The following C5 variants were observed in gnomAD, a reference collection of about 807,000 sequenced individuals.
C5 encodes the protein complement C5.
A neutral mutation model predicts 218.8 loss-of-function variants in C5; 140 were observed. That is an observed-to-expected ratio of 0.64 (90% CI 0.56 to 0.74). The LOEUF (loss-of-function observed/expected upper bound fraction) is 0.74, where lower values mean the gene tolerates loss of function less well. Among genes scored for constraint, C5 ranks in the 30% least tolerant of loss-of-function variants. The pLI, the probability that C5 is intolerant of heterozygous loss-of-function variation, is 0.00. For missense variants in C5, 1,700 were observed against 1,969.6 expected, an observed-to-expected ratio of 0.86 and a Z score of 2.59; for synonymous variants, 614 against 682.3, an observed-to-expected ratio of 0.90 and a Z score of 1.56.
intron 33 of C5, among the ~76,000 whole-genome samples, chr9:120,966,948 T>C (rs1354010706): frequency 6.6e-6 from 1 of 152,036 alleles, no homozygotes; most frequent in African/African-American, 2.4e-5. Context: ...TTAGTGGTCT[T>C]AGATTACACT....
intron 40 of C5, 99 bp from the exon 41 acceptor site, chr9:120,952,967 A>C: frequency 3.1e-6 from 4 of 1,310,736 alleles, no homozygotes; most frequent in Non-Finnish European, 3.2e-6. Flanking sequence ...TCAGTCGCCC[A>C]TGCTGGAGTG....
intron 20 of C5, among the ~76,000 whole-genome samples, chr9:121,004,983 T>TC (rs1554722220): frequency 6.7e-5 from 10 of 150,038 alleles, no homozygotes; most frequent in African/African-American, 2.2e-4. Context: ...GACTCCGTCT[T>TC]AAAAAAAAAA....
At chr9:120,984,714 C>CTTTTTTTTT (rs149222003) in intron 25 of C5, among the ~76,000 whole-genome samples, 1 of 69,212 alleles carries the variant, frequency 1.4e-5, no homozygotes. Context: ...TAAGCTCTTA[C>CTTTTTTTTT]TTTTTTTTTT....
At chr9:121,057,742 C>T in the C5 span, among the ~76,000 whole-genome samples, 2 of 151,832 alleles carry the variant, frequency 1.3e-5, no homozygotes, top group Admixed American at 6.6e-5. Context: ...AAGCAGAAAA[C>T]GAGTAACAAA....
chr9:120,982,515 T>C, intron 26 of C5, 140 bp downstream of exon 26: 1 of 669,412 alleles, frequency 1.5e-6, no homozygotes, highest in South Asian at 1.8e-5. Flanking sequence ...GAAAGACCTT[T>C]GTATATTTTG....
chr9:120,955,705 A>T (rs148097647), intron 39 of C5, among the ~76,000 whole-genome samples: 12 of 152,144 alleles, frequency 7.9e-5, no homozygotes, highest in East Asian at 1.9e-4. Flanking sequence ...ACAAAAATTT[A>T]AAAAAAATTA....
chr9:120,963,596 A>C (rs1201293219), intron 34 of C5, 40 bp downstream of exon 34: 2 of 1,324,028 alleles, frequency 1.5e-6, no homozygotes, highest in African/African-American at 2.9e-5. Context: ...CAGAAAAGAA[A>C]ATGAAGCATT....
chr9:120,959,765 CT>C (rs1372058574), intron 38 of C5, among the ~76,000 whole-genome samples: 3 of 152,138 alleles, frequency 2.0e-5, no homozygotes. Flanking sequence ...CTGAGATTTG[CT>C]TTTTCAAATG....
chr9:121,008,225 C>T (rs777154175), intron 18 of C5, among the ~76,000 whole-genome samples, 183 bp downstream of exon 18: 7 of 151,750 alleles, frequency 4.6e-5, no homozygotes, highest in South Asian at 2.1e-4. Context: ...ATCACCAGTA[C>T]GATGTATATT....
At chr9:121,035,623 G>A (rs1329254279) in intron 4 of C5, among the ~76,000 whole-genome samples, 1 of 152,064 alleles carries the variant, frequency 6.6e-6, no homozygotes, top group Non-Finnish European at 1.5e-5. Context: ...AGGCTGGAGT[G>A]CAGTGGTGTG....
chr9:121,004,764 C>T (rs140357192), intron 20 of C5, among the ~76,000 whole-genome samples: 2 of 151,900 alleles, frequency 1.3e-5, no homozygotes, highest in African/African-American at 4.8e-5. Flanking sequence ...TAGAACAAGA[C>T]CCCATCTTGA....
chr9:120,972,757 C>T (rs908084269), intron 30 of C5, among the ~76,000 whole-genome samples: 1 of 152,198 alleles, frequency 6.6e-6, no homozygotes, highest in Non-Finnish European at 1.5e-5. Flanking sequence ...CCAAGCCTCC[C>T]CTTTCCTTTG....
chr9:121,072,871 A>G, the C5 span, among the ~76,000 whole-genome samples: 34 of 151,862 alleles, frequency 2.2e-4, no homozygotes, highest in African/African-American at 8.2e-4. Context: ...TCTTAAGTGG[A>G]GCTTTTCAAA....
intron 22 of C5, among the ~76,000 whole-genome samples, chr9:120,995,733 AATT>A (rs1295260785): frequency 1.3e-5 from 2 of 151,886 alleles, no homozygotes; most frequent in African/African-American, 4.8e-5. Context: ...AAATTAATGG[AATT>A]ATTATTGTTG....
Position 121,037,933 on chromosome 9 carries a change from G to T in C5, c.440C>A (p.Ser147Ter). Residue 147 changes from serine (S) to a stop codon, truncating the protein, a stop_gained, in exon 4 of 41, where the codon TCG (serine) becomes TAG (stop). Coordinates refer to ENST00000223642, the MANE Select transcript of C5 (RefSeq NM_001735.3). LOFTEE classifies it high-confidence loss of function. Reference protein sequence around the residue: ...PDQSVKVRVYSLNDDLKPAKR... With the variant: ...PDQSVKVRVY ...GGCTGGCTTCAAGTCGTCATTCAAC[G>T]AATAAACTCTAACTTTTACTGTAAG... 1 of 1,514,668 alleles carries T rather than the reference G, an allele frequency of 6.6e-7. No individual in the cohort carries two copies. The highest frequency in any genetic ancestry group is 9.1e-7 in the Non-Finnish European group (1 of 1,102,754). 93.8% of individuals were successfully genotyped at this position (1,514,668 alleles called of 1,614,324 possible).
intron 39 of C5, chr9:120,956,908 C>T (rs954308749): frequency 3.6e-6 from 1 of 280,808 alleles, no homozygotes; most frequent in African/African-American, 2.2e-5. Context: ...TGAAAAATTA[C>T]CTATTGGGTA....
In C5 at chr9:120,981,216, CATTG is replaced by C. The variant is rs1166110771; in HGVS notation, c.3486+624_3486+627del. 6.6e-5 allele frequency among the ~76,000 whole-genome samples: 10 copies of C among 152,196 alleles called. No individual in the cohort carries two copies. The East Asian group carries it at 1.9e-3, about 29-fold the overall frequency. On this transcript the variant is annotated intron_variant, in intron 27 of 40. Transcript: ENST00000223642. ...CACTAGGTGCCTGGGAACTAGTCTTCATTGATTATTTTGTCTTGTTAAGCTTCTG... is the reference window on the plus strand; with the variant it reads ...CACTAGGTGCCTGGGAACTAGTCTTCATTATTTTGTCTTGTTAAGCTTCTG...
chr9:121,009,954 C>T (rs1469956506), intron 17 of C5, among the ~76,000 whole-genome samples: 2 of 152,206 alleles, frequency 1.3e-5, no homozygotes, highest in African/African-American at 4.8e-5. Flanking sequence ...ATGGAGGGAG[C>T]ATTTGGACTG....
At chr9:121,002,270 A>ATATG (rs1564146579) in intron 20 of C5, among the ~76,000 whole-genome samples, 3 of 123,308 alleles carry the variant, frequency 2.4e-5, no homozygotes, top group Non-Finnish European at 1.7e-5. Context: ...ATGTATATAT[A>ATATG]TGTATATATA....
Sources: gnomAD v4.1 joint callset for allele counts (sites outside exome capture counted in the v4.1 genomes callset) on GRCh38, gnomAD v4.1.1 for gene constraint, MANE v1.5 for transcripts, NCBI Gene and HGNC (gene_info 2026-07-23, HGNC 2026-07-21) for gene names.